The following WNT2 variants were observed in gnomAD, a reference collection of about 807,000 sequenced individuals.
WNT2 encodes the protein protein Wnt-2.
In WNT2, 12 loss-of-function variants were observed where a neutral mutation model predicts 36.9. The ratio of observed to expected loss-of-function variants is 0.33; its 90% CI spans 0.21 to 0.53. WNT2 has a LOEUF of 0.53. Ranked by LOEUF, WNT2 falls within the 20% of genes least tolerant of loss-of-function variation. The pLI, the probability that WNT2 is intolerant of heterozygous loss-of-function variation, is 0.95. For synonymous variants in WNT2, 163 were observed against 174.6 expected (o/e 0.93, Z 0.52); for missense variants, 379 against 473.1 (o/e 0.80, Z 1.84).
chr7:117,293,106 TA>T (rs958815298), intron 4 of WNT2, among the ~76,000 whole-genome samples: 43 of 148,340 alleles, frequency 2.9e-4, no homozygotes, highest in Middle Eastern at 3.5e-3. Flanking sequence ...AACAGAGCAA[TA>T]AAAAAAAAAT....
At chr7:117,282,846 C>T (rs985222492) in intron 4 of WNT2, among the ~76,000 whole-genome samples, 2 of 152,146 alleles carry the variant, frequency 1.3e-5, no homozygotes, top group African/African-American at 2.4e-5. Flanking sequence ...CCAATACAGA[C>T]TCTGGGCAGG....
chr7:117,299,060 G>A (rs1157923143), intron 3 of WNT2, among the ~76,000 whole-genome samples: 1 of 152,226 alleles, frequency 6.6e-6, no homozygotes, highest in African/African-American at 2.4e-5. Context: ...AAGTGAGCAG[G>A]AAGCATGTGC....
Position 117,322,944 on chromosome 7 carries a change from A to C in WNT2, c.46T>G (p.Leu16Val), listed in dbSNP as rs1795357952. ...GGIWLWLPLLLTWLTPEVNSS... is the reference protein window; with the variant it reads ...GGIWLWLPLLVTWLTPEVNSS... ...TTGACCTCGGGGGTGAGCCAGGTCA[A>C]GAGCAGAGGGAGCCAGAGCCAGATT... Residue 16 changes from leucine (L) to valine (V), a missense_variant, in exon 1 of 5, where the codon TTG becomes GTG. By Grantham distance (32) the Leu-to-Val change is conservative (BLOSUM62 1). Transcript: ENST00000265441. The surrounding 1 kb of genome is among the most constrained non-coding windows in gnomAD (Gnocchi z 5.4). 6.2e-7 allele frequency: 1 copy of C among 1,613,606 alleles called. No homozygotes were observed. The highest frequency in any genetic ancestry group is 2.2e-5 in the East Asian group (1 of 44,838).
intron 2 of WNT2, among the ~76,000 whole-genome samples, chr7:117,316,402 GGTTGCT>G (rs1262093487): frequency 6.6e-6 from 1 of 152,094 alleles, no homozygotes; most frequent in Non-Finnish European, 1.5e-5. Context: ...TTTTATTAAT[GGTTGCT>G]GCGGCAAATA....
In WNT2 at chr7:117,277,965, G is replaced by C; in HGVS notation, c.*190C>G. 3.3e-6 allele frequency: 2 copies of C among 615,052 alleles called. No individual in the cohort carries two copies. 38.1% of individuals were successfully genotyped at this position (615,052 alleles called of 1,614,324 possible). A position where few individuals can be genotyped will look rare whatever the true frequency, so the allele number is the denominator to read the frequency against. On this transcript the variant is annotated 3_prime_UTR_variant, in exon 5 of 5. Transcript: ENST00000265441. The stretch of plus-strand genomic sequence containing the variant: ...AGAACACCAGGAGATGGATAGAATA[G>C]GGTAGGCTTTAGGTGCAGCGTGTGG...
rs561895535 is a variant in WNT2 at position 117,306,683 on chromosome 7, T to A, written c.588+8388A>T. On this transcript the variant is annotated intron_variant, in intron 3 of 4. Coordinates refer to ENST00000265441, the MANE Select transcript of WNT2 (RefSeq NM_003391.3). ...CTCCCAGCCCCCATGGTTCTTAATA[T>A]CACCAACTGGCCAGCACAATTCTTA... 5.3e-5 allele frequency among the ~76,000 whole-genome samples: 8 copies of A among 152,312 alleles called. No homozygotes were observed. The South Asian group carries it at 1.7e-3, about 32-fold the overall frequency.
chr7:117,275,958 A>T lies in WNT2; in HGVS notation c.*2197T>A, dbSNP rs887574. Among the ~76,000 whole-genome samples, 1 of 152,062 alleles carries T rather than the reference A, an allele frequency of 6.6e-6. No individual in the cohort carries two copies. Among genetic ancestry groups the T allele is most frequent in the African/African-American group, 2.4e-5 (1 of 41,382 alleles). On this transcript the variant is annotated 3_prime_UTR_variant, in exon 5 of 5. Coordinates refer to ENST00000265441, the MANE Select transcript of WNT2 (RefSeq NM_003391.3). ...TAAAAAGAATGTCAGATCTAAACATACCAGGCATAAAAAAAGTAGCAAACA... is the reference window on the plus strand; with the variant it reads ...TAAAAAGAATGTCAGATCTAAACATTCCAGGCATAAAAAAAGTAGCAAACA...
At position 117,322,069 on chromosome 7, in the gene WNT2, T is replaced by C. The variant is rs1795340305; in HGVS notation, c.83+838A>G. On this transcript the variant is annotated intron_variant, in intron 1 of 4. Coordinates refer to ENST00000265441, the MANE Select transcript of WNT2 (RefSeq NM_003391.3). The surrounding 1 kb of genome is among the most constrained non-coding windows in gnomAD (Gnocchi z 5.4). The stretch of plus-strand genomic sequence containing the variant: ...TCTGAAACTTTTAGGTGCAAGGAAA[T>C]TACAGGGCTATCAACTCTATCTCTT... 1 of 152,086 alleles carries C rather than the reference T, an allele frequency of 6.6e-6. No homozygotes were observed. Among genetic ancestry groups the C allele is most frequent in the Non-Finnish European group, 1.5e-5 (1 of 68,016 alleles). The allele number at this position is 152,086 out of a possible 1,614,324, so 9.4% of individuals were successfully genotyped here. A position where few individuals can be genotyped will look rare whatever the true frequency, so the allele number is the denominator to read the frequency against.
Position 117,284,453 on chromosome 7 carries a change from G to GT in WNT2, c.854-6070dup, listed in dbSNP as rs767443822. On this transcript the variant is annotated intron_variant, in intron 4 of 4. Coordinates refer to ENST00000265441, the MANE Select transcript of WNT2 (RefSeq NM_003391.3). The surrounding 1 kb of genome is among the most constrained non-coding windows in gnomAD (Gnocchi z 5.2). ...ATCTTTGGGACACATACTTTTAGAT[G>GT]TTTTTTCTCAAATAATATACAAACT... 2.6e-5 allele frequency among the ~76,000 whole-genome samples: 4 copies of GT among 152,164 alleles called. No individual in the cohort carries two copies. Among genetic ancestry groups the GT allele is most frequent in the African/African-American group, 7.2e-5 (3 of 41,434 alleles).
At chr7:117,319,444 G>A (rs1208218048) in intron 2 of WNT2, among the ~76,000 whole-genome samples, 1 of 151,570 alleles carries the variant, frequency 6.6e-6, no homozygotes, top group Non-Finnish European at 1.5e-5. Context: ...AAAACCCTAG[G>A]GCTGTGATGA....
chr7:117,297,368 T>A (rs1794811564), intron 4 of WNT2, among the ~76,000 whole-genome samples: 1 of 152,090 alleles, frequency 6.6e-6, no homozygotes, highest in African/African-American at 2.4e-5. Context: ...TTGGTAGAGA[T>A]GGAGTTGCCC....
intron 4 of WNT2, among the ~76,000 whole-genome samples, chr7:117,286,486 C>A (rs1278049996): frequency 1.3e-5 from 2 of 151,956 alleles, no homozygotes; most frequent in African/African-American, 4.8e-5. Context: ...CCTCCTTCTC[C>A]CCCCATCCCC....
At chr7:117,309,695 C>A (rs1159897880) in intron 3 of WNT2, among the ~76,000 whole-genome samples, 1 of 152,086 alleles carries the variant, frequency 6.6e-6, no homozygotes, top group Non-Finnish European at 1.5e-5. Context: ...GTATTAGAGC[C>A]AGTTTTCTGA....
chr7:117,305,505 CT>C (rs1169797093), intron 3 of WNT2, among the ~76,000 whole-genome samples: 1 of 152,108 alleles, frequency 6.6e-6, no homozygotes, highest in East Asian at 1.9e-4. Context: ...ATTTATTTGT[CT>C]TTTTCTTTCA....
chr7:117,295,603 A>G (rs1794775173), intron 4 of WNT2, among the ~76,000 whole-genome samples: 2 of 152,210 alleles, frequency 1.3e-5, no homozygotes, highest in African/African-American at 4.8e-5. Flanking sequence ...AACTGCTTCA[A>G]TCCAAAGAAC....
At chr7:117,285,646 C>T (rs1273354766) in intron 4 of WNT2, among the ~76,000 whole-genome samples, 3 of 152,128 alleles carry the variant, frequency 2.0e-5, no homozygotes, top group African/African-American at 7.2e-5. Context: ...TTTCAATTAC[C>T]GGTCCTATCA....
chr7:117,303,004 G>A (rs1188801959), intron 3 of WNT2, among the ~76,000 whole-genome samples: 1 of 152,118 alleles, frequency 6.6e-6, no homozygotes, highest in Non-Finnish European at 1.5e-5. Flanking sequence ...AACTGGAGAG[G>A]GCAGGTCAGT....
At chr7:117,304,839 C>T (rs1794986671) in intron 3 of WNT2, among the ~76,000 whole-genome samples, 1 of 152,132 alleles carries the variant, frequency 6.6e-6, no homozygotes, top group African/African-American at 2.4e-5. Context: ...TACTTTCTTC[C>T]CGATTTCTTG....
chr7:117,291,603 T>G (rs919431098), intron 4 of WNT2, among the ~76,000 whole-genome samples: 5 of 152,182 alleles, frequency 3.3e-5, no homozygotes, highest in African/African-American at 1.2e-4. Context: ...AAATGTCACA[T>G]GCACAACATC....
Sources: allele counts gnomAD v4.1 joint callset (sites outside exome capture counted in the v4.1 genomes callset), GRCh38; gene constraint gnomAD v4.1.1; non-coding constraint Gnocchi (gnomAD v3.1); transcripts MANE v1.5; gene names NCBI Gene and HGNC (gene_info 2026-07-23, HGNC 2026-07-21).